Variants in RAB28 observed in about 807,000 individuals in gnomAD.
RAB28 encodes RAB28, member RAS oncogene family.
RAB28 carries 24 observed loss-of-function variants against 31.7 expected under a neutral mutation model. The ratio of observed to expected loss-of-function variants is 0.76; its 90% CI spans 0.55 to 1.06. The LOEUF (loss-of-function observed/expected upper bound fraction) is 1.06. Among genes scored for constraint, RAB28 ranks in the 50% least tolerant of loss-of-function variants. The probability of loss-of-function intolerance (pLI) is 0.00; values close to 1 mark genes in which losing one functional copy is unlikely to be tolerated. For missense variants in RAB28, 254 were observed against 258.5 expected, an observed-to-expected ratio of 0.98 and a Z score of 0.12; for synonymous variants, 100 against 90.4, an observed-to-expected ratio of 1.11 and a Z score of -0.60.
chr4:13,402,742 G>A (rs1009484634), intron 4 of RAB28, among the ~76,000 whole-genome samples: 1 of 151,936 alleles, frequency 6.6e-6, no homozygotes, highest in Admixed American at 6.6e-5. Context: ...TTTTCTGTAA[G>A]GGGCCAGATA....
rs572510139 is a variant in RAB28 at position 13,382,426 on chromosome 4, G to GAA, written c.392-834_392-833dup. On this transcript the variant is annotated intron_variant, in intron 4 of 6. Transcript: ENST00000330852. ...AACTAGGCTCTTTGAGTCAATATAG[G>GAA]AAAAAAAAAACTTAAACTGATTTCC... Among the ~76,000 whole-genome samples the GAA allele has an allele frequency of 3.2e-4, 46 of 145,742 alleles. No individual in the cohort carries two copies. The South Asian group carries it at 9.3e-3, about 29-fold the overall frequency.
At chr4:13,409,925 G>A (rs895753487) in intron 4 of RAB28, among the ~76,000 whole-genome samples, 2 of 152,094 alleles carry the variant, frequency 1.3e-5, no homozygotes, top group African/African-American at 4.8e-5. Flanking sequence ...TGCTGGAGGT[G>A]GGGCCTGGTA....
intron 4 of RAB28, among the ~76,000 whole-genome samples, chr4:13,442,627 T>G (rs1405085718): frequency 1.3e-5 from 2 of 151,942 alleles, no homozygotes; most frequent in Non-Finnish European, 2.9e-5. Flanking sequence ...ATCTTTATAT[T>G]AGAAAAATAT....
chr4:13,471,590 C>T (rs1293131265), intron 3 of RAB28, among the ~76,000 whole-genome samples: 1 of 151,954 alleles, frequency 6.6e-6, no homozygotes, highest in African/African-American at 2.4e-5. Flanking sequence ...CAGCCCCAAA[C>T]TCCTGGACTC....
chr4:13,379,923 A>T (rs1184395492), intron 5 of RAB28, among the ~76,000 whole-genome samples: 4 of 150,734 alleles, frequency 2.7e-5, no homozygotes, highest in Non-Finnish European at 5.9e-5. Flanking sequence ...AGTACCACTT[A>T]AAAAAAATGA....
chr4:13,435,689 C>T (rs1714058070), intron 4 of RAB28, among the ~76,000 whole-genome samples: 4 of 152,032 alleles, frequency 2.6e-5, no homozygotes, highest in Admixed American at 2.6e-4. Context: ...AATTAAAGTC[C>T]TGAACAGACA....
At chr4:13,423,635 T>C (rs1240204188) in intron 4 of RAB28, among the ~76,000 whole-genome samples, 1 of 152,150 alleles carries the variant, frequency 6.6e-6, no homozygotes, top group Non-Finnish European at 1.5e-5. Flanking sequence ...TACACTACAA[T>C]GGGACAGTTG....
chr4:13,379,242 G>A (rs1022804417), intron 5 of RAB28, among the ~76,000 whole-genome samples: 2 of 150,742 alleles, frequency 1.3e-5, no homozygotes, highest in African/African-American at 2.4e-5. Flanking sequence ...ACCTAGGTGA[G>A]GGGAAGAGGT....
chr4:13,403,838 A>G (rs1481232536), intron 4 of RAB28, among the ~76,000 whole-genome samples: 1 of 152,252 alleles, frequency 6.6e-6, no homozygotes, highest in African/African-American at 2.4e-5. Context: ...ACATAAGAAC[A>G]AAGTCAAATT....
chr4:13,383,836 A>G (rs1243571565), intron 4 of RAB28, among the ~76,000 whole-genome samples: 4 of 152,184 alleles, frequency 2.6e-5, no homozygotes, highest in Non-Finnish European at 5.9e-5. Flanking sequence ...CCCTAGGGGA[A>G]CTGTCAGACC....
In RAB28 at chr4:13,460,793, T is replaced by C. The variant is rs754674873; in HGVS notation, c.297A>G (p.Gln99=). 1 of 1,613,658 alleles carries C rather than the reference T, an allele frequency of 6.2e-7. No homozygotes were observed. Reference sequence around the variant, plus strand: ...ACCAATCTTCTAAATTCTCAAAGCTTTGATAATTTGTAATATCATATACCA... The same window carrying C: ...ACCAATCTTCTAAATTCTCAAAGCTCTGATAATTTGTAATATCATATACCA... ...VLLVYDITNY[Q]SFENLEDWYT... Residue 99 remains glutamine, a synonymous_variant, in exon 4 of 7, where the codon CAA becomes CAG. Coordinates refer to ENST00000330852, the MANE Select transcript of RAB28 (RefSeq NM_001017979.3).
chr4:13,367,900 A>T lies in RAB28; in HGVS notation c.*658T>A. The T allele has an allele frequency of 2.0e-6, 2 of 983,792 alleles. No individual in the cohort carries two copies. Among genetic ancestry groups the T allele is most frequent in the Non-Finnish European group, 1.2e-6 (1 of 828,428 alleles). The allele number at this position is 983,792 out of a possible 1,614,324, so 60.9% of individuals were successfully genotyped here. ...GAAAGCCTTCAAACCTGAGTATTAC[A>T]CAATACATAACGACAACGATACAGT... On this transcript the variant is annotated 3_prime_UTR_variant, in exon 7 of 7. Coordinates refer to ENST00000330852, the MANE Select transcript of RAB28 (RefSeq NM_001017979.3).
intron 4 of RAB28, among the ~76,000 whole-genome samples, chr4:13,453,934 C>T (rs1212526523): frequency 6.6e-6 from 1 of 152,142 alleles, no homozygotes; most frequent in African/African-American, 2.4e-5. Flanking sequence ...TGTCTCTTCT[C>T]TTTTCCTTCT....
At chr4:13,434,577 C>T (rs1713988804) in intron 4 of RAB28, among the ~76,000 whole-genome samples, 2 of 152,180 alleles carry the variant, frequency 1.3e-5, no homozygotes, top group African/African-American at 4.8e-5. Flanking sequence ...ATAGACAGTT[C>T]ACCCAACCAC....
At chr4:13,436,874 A>G (rs1183861746) in intron 4 of RAB28, among the ~76,000 whole-genome samples, 1 of 152,158 alleles carries the variant, frequency 6.6e-6, no homozygotes, top group Non-Finnish European at 1.5e-5. Context: ...TAAAATTCGT[A>G]TGGAACCAAA....
intron 6 of RAB28, chr4:13,371,802 T>G: frequency 6.5e-7 from 1 of 1,547,600 alleles, no homozygotes; most frequent in South Asian, 1.2e-5. Context: ...AACCTTTATT[T>G]TTAGAGCCAC....
intron 4 of RAB28, among the ~76,000 whole-genome samples, chr4:13,410,116 T>C (rs1350483919): frequency 6.6e-6 from 1 of 152,132 alleles, no homozygotes; most frequent in East Asian, 1.9e-4. Context: ...GATTTTAAGT[T>C]CCCTGAGACC....
At chr4:13,455,662 G>A (rs1294918062) in intron 4 of RAB28, among the ~76,000 whole-genome samples, 8 of 152,174 alleles carry the variant, frequency 5.3e-5, no homozygotes, top group East Asian at 3.9e-4. Context: ...CTAGTAATCC[G>A]GAGCAAGGCA....
chr4:13,385,371 C>A (rs1729323145), intron 4 of RAB28, among the ~76,000 whole-genome samples: 1 of 152,034 alleles, frequency 6.6e-6, no homozygotes, highest in African/African-American at 2.4e-5. Flanking sequence ...AGATACTTCA[C>A]AAGAAGATCA....
Sources: gnomAD v4.1 joint callset for allele counts (sites outside exome capture counted in the v4.1 genomes callset) on GRCh38, gnomAD v4.1.1 for gene constraint, MANE v1.5 for transcripts, NCBI Gene and HGNC (gene_info 2026-07-23, HGNC 2026-07-21) for gene names.